The following DLG2 variants were observed in gnomAD, a reference collection of about 807,000 sequenced individuals.
DLG2 encodes discs large MAGUK scaffold protein 2.
DLG2 carries 45 observed loss-of-function variants against 132.5 expected under a neutral mutation model. The ratio of observed to expected loss-of-function variants is 0.34; its 90% confidence interval spans 0.27 to 0.44. The LOEUF (loss-of-function observed/expected upper bound fraction) is 0.44. DLG2 is among the 20% of genes least tolerant of loss of function. The probability of loss-of-function intolerance (pLI) is 1.00; values close to 1 mark genes in which losing one functional copy is unlikely to be tolerated. For synonymous variants in DLG2, 424 were observed against 419.6 expected, an observed-to-expected ratio of 1.01 and a Z score of -0.13; for missense variants, 1,045 against 1,196.9, an observed-to-expected ratio of 0.87 and a Z score of 1.87.
chr11:84,455,478 T>C (rs2099062912), intron 7 of DLG2, among the ~76,000 whole-genome samples: 1 of 151,252 alleles, frequency 6.6e-6, no homozygotes, highest in Admixed American at 6.6e-5. Context: ...ACCAAGTCTA[T>C]CTCCTAAATG....
At chr11:85,461,801 T>C (rs946307613) in intron 3 of DLG2, among the ~76,000 whole-genome samples, 3 of 151,936 alleles carry the variant, frequency 2.0e-5, no homozygotes, top group East Asian at 1.9e-4. Flanking sequence ...ATTTGACAAA[T>C]GGGATCTAAT....
At chr11:84,118,083 C>T (rs1384834508) in intron 9 of DLG2, among the ~76,000 whole-genome samples, 1 of 152,124 alleles carries the variant, frequency 6.6e-6, no homozygotes, top group East Asian at 1.9e-4. Context: ...TCTTGAACTC[C>T]TGACCGCAGG....
At chr11:85,517,773 T>A (rs1434469440) in intron 3 of DLG2, among the ~76,000 whole-genome samples, 5 of 152,112 alleles carry the variant, frequency 3.3e-5, no homozygotes, top group Non-Finnish European at 7.4e-5. Context: ...TGACATGGCT[T>A]GGCTGTGTCC....
chr11:84,465,380 A>G (rs2099091455), intron 7 of DLG2, among the ~76,000 whole-genome samples: 1 of 151,172 alleles, frequency 6.6e-6, no homozygotes, highest in African/African-American at 2.4e-5. Flanking sequence ...TTTGCCTCAT[A>G]TCTACTTACT....
intron 6 of DLG2, among the ~76,000 whole-genome samples, chr11:85,079,286 G>A (rs1160030469): frequency 6.6e-6 from 1 of 152,080 alleles, no homozygotes; most frequent in East Asian, 1.9e-4. Flanking sequence ...GCAAGCTTCA[G>A]AGAGAGTAGA....
intron 11 of DLG2, among the ~76,000 whole-genome samples, chr11:83,993,474 A>T (rs946660037): frequency 3.3e-5 from 5 of 152,156 alleles, no homozygotes; most frequent in African/African-American, 1.2e-4. Flanking sequence ...AACGAACATT[A>T]AAAATGACCA....
intron 3 of DLG2, among the ~76,000 whole-genome samples, chr11:85,286,353 G>A (rs541946589): frequency 6.6e-6 from 1 of 152,146 alleles, no homozygotes; most frequent in Admixed American, 6.6e-5. Flanking sequence ...GAGAGTTGGA[G>A]ACATGTTTAG....
chr11:85,475,323 C>G (rs548438218), intron 3 of DLG2, among the ~76,000 whole-genome samples: 2 of 151,876 alleles, frequency 1.3e-5, no homozygotes, highest in Non-Finnish European at 2.9e-5. Context: ...TCTCTACCTT[C>G]TATAAACATT....
chr11:85,057,974 T>C (rs972651116), intron 6 of DLG2, among the ~76,000 whole-genome samples: 1 of 151,550 alleles, frequency 6.6e-6, no homozygotes, highest in Admixed American at 6.6e-5. Flanking sequence ...TGAAACATTA[T>C]ATTAATGTGA....
chr11:85,229,188 A>ATT (rs35465445), intron 4 of DLG2, among the ~76,000 whole-genome samples: 20 of 149,052 alleles, frequency 1.3e-4, no homozygotes, highest in East Asian at 5.9e-4. Flanking sequence ...ACAACACAGT[A>ATT]TTTTTTTTTT....
intron 6 of DLG2, among the ~76,000 whole-genome samples, chr11:84,927,024 T>C (rs998378983): frequency 2.0e-5 from 3 of 151,934 alleles, no homozygotes; most frequent in African/African-American, 7.2e-5. Context: ...ATCAAGAAAA[T>C]TGGACTAGTT....
chr11:83,456,596 T>C lies in DLG2; in HGVS notation c.*3222A>G, dbSNP rs1295755352. On this transcript the variant is annotated 3_prime_UTR_variant, in exon 28 of 28. Transcript: ENST00000376104. ...AGAGAAAGGGAATAGAGAAGGATTA[T>C]AGGAGAAAGTCAACAACTCAGAGAT... The C allele has an allele frequency of 6.9e-6, 1 of 144,506 alleles. No individual in the cohort carries two copies. The highest frequency in any genetic ancestry group is 2.2e-4 in the South Asian group (1 of 4,634). 9.0% of individuals were successfully genotyped at this position (144,506 alleles called of 1,614,324 possible). A position where few individuals can be genotyped will look rare whatever the true frequency, so the allele number is the denominator to read the frequency against.
At chr11:84,169,918 T>C (rs981114565) in intron 8 of DLG2, among the ~76,000 whole-genome samples, 6 of 151,966 alleles carry the variant, frequency 3.9e-5, no homozygotes, top group Admixed American at 6.6e-5. Flanking sequence ...CAATCTTGTG[T>C]ATACTCACTT....
At chr11:85,021,540 C>A (rs571740222) in intron 6 of DLG2, 1 of 1,587,612 alleles carries the variant, frequency 6.3e-7, no homozygotes, top group Non-Finnish European at 8.6e-7. Flanking sequence ...TGCCATACTT[C>A]GAAAAGATTG....
intron 2 of DLG2, among the ~76,000 whole-genome samples, chr11:85,609,258 T>C (rs2080816601): frequency 6.6e-6 from 1 of 152,268 alleles, no homozygotes; most frequent in African/African-American, 2.4e-5. Context: ...TTCTAAAAGA[T>C]ACATTTATTA....
intron 3 of DLG2, among the ~76,000 whole-genome samples, chr11:85,319,731 G>A (rs1057473983): frequency 1.3e-5 from 2 of 151,808 alleles, no homozygotes; most frequent in African/African-American, 2.4e-5. Flanking sequence ...AATGTTCAAT[G>A]TGCATTAACA....
intron 6 of DLG2, among the ~76,000 whole-genome samples, chr11:84,733,125 G>C (rs573421655): frequency 1.3e-5 from 2 of 152,164 alleles, no homozygotes; most frequent in African/African-American, 4.8e-5. Flanking sequence ...CTTTATAGCA[G>C]CATGATTTAT....
intron 6 of DLG2, among the ~76,000 whole-genome samples, chr11:84,893,484 AAAACGAGGTGGTTCTTAGCCCAGGAG>A (rs1461468441): frequency 5.3e-5 from 8 of 152,188 alleles, no homozygotes; most frequent in Non-Finnish European, 1.2e-4. Context: ...GGGAGGGAAG[AAAACGAGGTGGTTCTTAGCCCAGGAG>A]CTCAGGTCCC....
At chr11:85,317,769 T>G (rs1362381230) in intron 3 of DLG2, among the ~76,000 whole-genome samples, 1 of 151,634 alleles carries the variant, frequency 6.6e-6, no homozygotes, top group East Asian at 1.9e-4. Flanking sequence ...GGATGAAGGG[T>G]AGGAGGAGGG....
Sources: allele counts gnomAD v4.1 joint callset (sites outside exome capture counted in the v4.1 genomes callset), GRCh38; gene constraint gnomAD v4.1.1; transcripts MANE v1.5; gene names NCBI Gene and HGNC (gene_info 2026-07-23, HGNC 2026-07-21).